Variants in STXBP6 observed in about 807,000 individuals in gnomAD.
STXBP6 encodes the protein syntaxin-binding protein 6.
Under a neutral mutation model 26.9 loss-of-function variants are expected in STXBP6, and 21 were observed. The ratio of observed to expected loss-of-function variants is 0.78; its 90% CI spans 0.55 to 1.12. The LOEUF (loss-of-function observed/expected upper bound fraction) is 1.12, where lower values mean the gene tolerates loss of function less well. STXBP6 is among the 50% of genes most tolerant of loss of function. The pLI, the probability that STXBP6 is intolerant of heterozygous loss-of-function variation, is 0.00. For synonymous variants in STXBP6, 97 were observed against 92.6 expected (o/e 1.05, Z -0.27); for missense variants, 232 against 257.9 (o/e 0.90, Z 0.69).
rs183234545 is a variant in STXBP6, at chr14:24,812,879, G to A, written c.610-147C>T. On this transcript the variant is annotated intron_variant, in intron 5 of 5. Coordinates refer to ENST00000323944, the MANE Select transcript of STXBP6 (RefSeq NM_001394410.1). ...TGGCAGATCACCGTTACTAATTACA[G>A]TAGCACCTTTAAATGTGCAACATTT... 20 of 734,734 alleles carry A rather than the reference G, an allele frequency of 2.7e-5. No homozygotes were observed. In the East Asian group the frequency reaches 4.8e-4, roughly 18 times the overall value. The allele number at this position is 734,734 out of a possible 1,614,324, so 45.5% of individuals were successfully genotyped here.
chr14:25,043,666 T>C (rs1043463564), intron 1 of STXBP6, among the ~76,000 whole-genome samples: 5 of 152,226 alleles, frequency 3.3e-5, no homozygotes, highest in Non-Finnish European at 5.9e-5. Context: ...GATTTTCCTA[T>C]TGCGTACACT....
intron 2 of STXBP6, among the ~76,000 whole-genome samples, chr14:24,962,203 G>A (rs1338608090): frequency 6.6e-6 from 1 of 152,152 alleles, no homozygotes; most frequent in Non-Finnish European, 1.5e-5. Flanking sequence ...GGCATTATAA[G>A]CATCTCAAAG....
chr14:24,833,649 C>T (rs1463741288), intron 4 of STXBP6, among the ~76,000 whole-genome samples: 6 of 152,114 alleles, frequency 3.9e-5, no homozygotes, highest in Non-Finnish European at 2.9e-5. Flanking sequence ...AATCAGCATA[C>T]AGAAAGGATC....
chr14:25,016,599 A>G (rs1232095638), intron 1 of STXBP6, among the ~76,000 whole-genome samples: 1 of 152,202 alleles, frequency 6.6e-6, no homozygotes, highest in Non-Finnish European at 1.5e-5. Flanking sequence ...CATTCTAGAG[A>G]AAGAAATCCA....
At chr14:24,880,380 AT>A (rs756117961) in intron 2 of STXBP6, among the ~76,000 whole-genome samples, 4 of 152,220 alleles carry the variant, frequency 2.6e-5, no homozygotes, top group Non-Finnish European at 5.9e-5. Flanking sequence ...TTGGGGGTAC[AT>A]TAATGCTTAG....
chr14:24,924,786 T>C (rs2072104175), intron 2 of STXBP6, among the ~76,000 whole-genome samples: 1 of 152,180 alleles, frequency 6.6e-6, no homozygotes, highest in African/African-American at 2.4e-5. Flanking sequence ...CATGGCTCAG[T>C]CTCACATGTC....
chr14:24,948,174 G>A (rs536956069), intron 2 of STXBP6, among the ~76,000 whole-genome samples: 6 of 152,166 alleles, frequency 3.9e-5, no homozygotes, highest in Admixed American at 1.3e-4. Flanking sequence ...CTTTGAAATA[G>A]CTCTACAATT....
chr14:24,974,980 A>G (rs2074005975), intron 1 of STXBP6, 130 bp from the exon 2 acceptor site: 1 of 555,086 alleles, frequency 1.8e-6, no homozygotes, highest in Non-Finnish European at 3.0e-6. Flanking sequence ...AATTGCTTGA[A>G]ATGTATTATA....
chr14:24,991,255 G>A (rs1323322586), intron 1 of STXBP6, among the ~76,000 whole-genome samples: 2 of 152,156 alleles, frequency 1.3e-5, no homozygotes, highest in Non-Finnish European at 2.9e-5. Context: ...CAGTACATAT[G>A]CAGGCTTATG....
intron 4 of STXBP6, 58 bp from the exon 5 acceptor site, chr14:24,819,252 A>C: frequency 1.2e-6 from 2 of 1,604,378 alleles, no homozygotes; most frequent in Non-Finnish European, 1.7e-6. Context: ...CAGTGACCAG[A>C]CTCCGGCAGG....
At chr14:24,829,775 C>T (rs150654232) in intron 4 of STXBP6, among the ~76,000 whole-genome samples, 3 of 151,980 alleles carry the variant, frequency 2.0e-5, no homozygotes, top group African/African-American at 7.2e-5. Flanking sequence ...ACTCTCCACA[C>T]ACATTGTCCC....
chr14:25,036,552 T>C (rs2075555690), intron 1 of STXBP6, among the ~76,000 whole-genome samples: 1 of 151,842 alleles, frequency 6.6e-6, no homozygotes, highest in Non-Finnish European at 1.5e-5. Flanking sequence ...CAGCAATAAA[T>C]GAACATTAAA....
chr14:24,885,534 C>A (rs2070549053), intron 2 of STXBP6, among the ~76,000 whole-genome samples: 1 of 152,196 alleles, frequency 6.6e-6, no homozygotes, highest in Non-Finnish European at 1.5e-5. Context: ...CCACCAAGGG[C>A]CAGAGAAGAG....
At chr14:24,920,612 T>TC (rs1465250801) in intron 2 of STXBP6, among the ~76,000 whole-genome samples, 4 of 151,990 alleles carry the variant, frequency 2.6e-5, no homozygotes, top group African/African-American at 9.7e-5. Flanking sequence ...TTGGAAAATT[T>TC]CTGTTAGCCA....
chr14:24,998,866 T>C (rs2074676282), intron 1 of STXBP6, among the ~76,000 whole-genome samples: 1 of 152,178 alleles, frequency 6.6e-6, no homozygotes, highest in Non-Finnish European at 1.5e-5. Context: ...ATTCAAGGGA[T>C]AAAAAGCTAA....
intron 2 of STXBP6, among the ~76,000 whole-genome samples, chr14:24,898,000 T>C (rs534976843): frequency 8.5e-5 from 13 of 152,334 alleles, no homozygotes; most frequent in African/African-American, 2.9e-4. Flanking sequence ...CAATGGTTGT[T>C]TCATCTTTGC....
At chr14:25,020,252 C>T (rs1377317324) in intron 1 of STXBP6, among the ~76,000 whole-genome samples, 1 of 152,080 alleles carries the variant, frequency 6.6e-6, no homozygotes, top group Non-Finnish European at 1.5e-5. Flanking sequence ...TCTAGGAACT[C>T]AAGATGTTTA....
intron 4 of STXBP6, among the ~76,000 whole-genome samples, chr14:24,849,290 A>G (rs1039759201): frequency 4.6e-5 from 7 of 152,148 alleles, no homozygotes; most frequent in Non-Finnish European, 1.0e-4. Context: ...GAGTGATGGA[A>G]GAGTGGCTAA....
Position 25,049,965 on chromosome 14 carries a change from G to T in STXBP6, c.-120C>A. 1.4e-6 allele frequency: 1 copy of T among 725,440 alleles called. No individual in the cohort carries two copies. Among genetic ancestry groups the T allele is most frequent in the Non-Finnish European group, 1.7e-6 (1 of 593,696 alleles). The allele number at this position is 725,440 out of a possible 1,614,324, so 44.9% of individuals were successfully genotyped here. ...TCCTCCCCGGGGGGCTGCCCCGCGC[G>T]GGGCTCCGGGCTCCGGACAAGGCTT... is the stretch of plus-strand genomic sequence containing the variant. On this transcript the variant is annotated 5_prime_UTR_variant, in exon 1 of 6. Coordinates refer to ENST00000323944, the MANE Select transcript of STXBP6 (RefSeq NM_001394410.1). This position sits in a 1 kb window ranked among gnomAD's most constrained non-coding sequence, Gnocchi z 5.6.
Sources: gnomAD v4.1 joint callset for allele counts (sites outside exome capture counted in the v4.1 genomes callset) on GRCh38, gnomAD v4.1.1 for gene constraint, Gnocchi (gnomAD v3.1) non-coding constraint, MANE v1.5 for transcripts, NCBI Gene and HGNC (gene_info 2026-07-23, HGNC 2026-07-21) for gene names.